The following THTPA variants were observed in gnomAD, a reference collection of about 807,000 sequenced individuals.
THTPA encodes thiamine triphosphatase.
THTPA carries 16 observed loss-of-function variants against 16.5 expected under a neutral mutation model. The observed-to-expected ratio is 0.97, with a 90% CI of 0.66 to 1.47. The LOEUF is 1.47. THTPA is among the 40% of genes most tolerant of loss of function. The pLI, the probability that THTPA is intolerant of heterozygous loss-of-function variation, is 0.00. For missense variants in THTPA, 281 were observed against 280.9 expected (o/e 1.00, Z 0.00); for synonymous variants, 110 against 115.5 (o/e 0.95, Z 0.30).
chr14:23,516,135 A>G, the THTPA span, among the ~76,000 whole-genome samples: 1 of 152,208 alleles, frequency 6.6e-6, no homozygotes, highest in Admixed American at 6.5e-5. Flanking sequence ...TTCAGAGGGC[A>G]TAGAATCATT....
chr14:23,534,535 G>T, the THTPA span: 20 of 1,536,128 alleles, frequency 1.3e-5, no homozygotes, highest in Non-Finnish European at 1.7e-5. The surrounding 1 kb of genome is among the most constrained non-coding windows in gnomAD (Gnocchi z 4.5). Flanking sequence ...TTGGGCAGGG[G>T]TTAGCTTCAC....
chr14:23,522,396 C>A, the THTPA span: 2 of 1,536,368 alleles, frequency 1.3e-6, no homozygotes, highest in South Asian at 2.4e-5. Context: ...ACCTCACCAG[C>A]TTCCCCCTCC....
At chr14:23,529,729 T>C in the THTPA span, 5 of 1,536,242 alleles carry the variant, frequency 3.3e-6, no homozygotes, top group Non-Finnish European at 4.4e-6. Flanking sequence ...GTTGGCACTG[T>C]CTCTGGAAGG....
chr14:23,534,124 G>C, the THTPA span: 3 of 1,482,458 alleles, frequency 2.0e-6, no homozygotes, highest in Non-Finnish European at 2.7e-6. The surrounding 1 kb of genome is among the most constrained non-coding windows in gnomAD (Gnocchi z 4.5). Flanking sequence ...GGCAGGGAGA[G>C]TGCCCCCCTC....
chr14:23,532,717 G>A, the THTPA span: 2 of 1,534,912 alleles, frequency 1.3e-6, no homozygotes, highest in African/African-American at 2.7e-5. Context: ...GGGATGCTGG[G>A]GAAGGGGTGC....
At chr14:23,530,181 G>GACC in the THTPA span, 3 of 1,535,620 alleles carry the variant, frequency 2.0e-6, no homozygotes, top group South Asian at 3.6e-5. Context: ...CTAAGGGGGT[G>GACC]ACAGGAGCCT....
At chr14:23,551,656 CCTCCTCCTCCTCCTCCTT>C (rs1277598579), upstream of THTPA, 1 of 154,256 alleles carries the variant, frequency 6.5e-6, no homozygotes, top group African/African-American at 2.4e-5. The surrounding 1 kb of genome is among the most constrained non-coding windows in gnomAD (Gnocchi z 5.3). Flanking sequence ...CTCCCTGCCT[CCTCCTCCTCCTCCTCCTT>C]CTCCTCCTCG....
chr14:23,530,020 G>T, the THTPA span: 6 of 1,227,232 alleles, frequency 4.9e-6, no homozygotes, highest in African/African-American at 6.1e-5. Flanking sequence ...AATCAGTTTT[G>T]CTCCTTGAGC....
At chr14:23,555,970 C>G (rs1325181746), upstream of THTPA, 1 of 152,356 alleles carries the variant, frequency 6.6e-6, no homozygotes, top group East Asian at 1.9e-4. Context: ...CAAAGTCTCC[C>G]TTTGGAACTA....
At chr14:23,522,078 T>C in the THTPA span, 1 of 1,536,072 alleles carries the variant, frequency 6.5e-7, no homozygotes, top group East Asian at 2.4e-5. Flanking sequence ...GCGGCGTTGG[T>C]GATGGAGATG....
At chr14:23,525,829 A>G in the THTPA span, 1 of 1,457,978 alleles carries the variant, frequency 6.9e-7, no homozygotes, top group Non-Finnish European at 9.0e-7. The surrounding 1 kb of genome is among the most constrained non-coding windows in gnomAD (Gnocchi z 5.9). Context: ...CCACCTTGAG[A>G]TCGTGGAGGT....
At chr14:23,529,923 G>T in the THTPA span, among the ~76,000 whole-genome samples, 7 of 152,158 alleles carry the variant, frequency 4.6e-5, no homozygotes, top group African/African-American at 1.7e-4. Flanking sequence ...GGGTCAGTAG[G>T]ATGGTCAGGT....
chr14:23,541,160 C>G, the THTPA span, among the ~76,000 whole-genome samples: 3 of 152,028 alleles, frequency 2.0e-5, no homozygotes, highest in African/African-American at 7.2e-5. Flanking sequence ...CCTGCCTTGG[C>G]CTCCCCAAGT....
chr14:23,549,232 G>A, the THTPA span, among the ~76,000 whole-genome samples: 118 of 151,822 alleles, frequency 7.8e-4, 3 homozygotes, highest in East Asian at 0.018. Context: ...CCCTGCCCCC[G>A]AGTCCGCATA....
In THTPA at chr14:23,559,923, A is replaced by G. The variant is rs1883268335; in HGVS notation, c.*1083A>G. 1.2e-6 allele frequency: 2 copies of G among 1,611,738 alleles called. No homozygotes were observed. The highest frequency in any genetic ancestry group is 1.3e-5 in the African/African-American group (1 of 74,916). The stretch of plus-strand genomic sequence containing the variant: ...TATCCCTGGGTCTTGTCTTGGGGGA[A>G]CTCCTGAAGCTCACCTTGTTAGGAT... On this transcript the variant is annotated 3_prime_UTR_variant, in exon 2 of 2. Coordinates refer to ENST00000288014, the MANE Select transcript of THTPA (RefSeq NM_024328.6).
chr14:23,523,101 A>G, the THTPA span: 9 of 1,406,464 alleles, frequency 6.4e-6, no homozygotes, highest in African/African-American at 1.4e-5. This position sits in a 1 kb window ranked among gnomAD's most constrained non-coding sequence, Gnocchi z 4.1. Context: ...AAGGAAGGCC[A>G]CAGGAGATTG....
the THTPA span, chr14:23,533,674 T>G: frequency 2.6e-6 from 4 of 1,537,948 alleles, no homozygotes; most frequent in African/African-American, 5.5e-5. The surrounding 1 kb of genome is among the most constrained non-coding windows in gnomAD (Gnocchi z 4.8). Flanking sequence ...GAGTGATGCC[T>G]CTGGTGGACT....
the THTPA span, chr14:23,535,327 G>A: frequency 6.9e-7 from 1 of 1,452,192 alleles, no homozygotes; most frequent in Non-Finnish European, 9.1e-7. This position sits in a 1 kb window ranked among gnomAD's most constrained non-coding sequence, Gnocchi z 4.5. Flanking sequence ...GGTGGCCATG[G>A]TAGACGGAGG....
Position 23,557,135 on chromosome 14 carries a change from T to G in THTPA, c.378T>G (p.Ser126Arg), listed in dbSNP as rs1328458235. The G allele has an allele frequency of 6.2e-7, 1 of 1,613,860 alleles. No individual in the cohort carries two copies. The highest frequency in any genetic ancestry group is 8.5e-7 in the Non-Finnish European group (1 of 1,179,986). Residue 126 changes from serine to arginine, a missense_variant, in exon 1 of 2, where the codon AGT (serine) becomes AGG (arginine). Coordinates refer to ENST00000288014, the MANE Select transcript of THTPA (RefSeq NM_024328.6). The stretch of plus-strand genomic sequence containing the variant: ...TAGCTAGTTTTGTGACTAAGCGGAG[T>G]GCCTGGAAGCTGGTGCTCTTGGGAG... The part of the protein sequence containing the change: ...QEVASFVTKR[S>R]AWKLVLLGAD...
Sources: allele counts gnomAD v4.1 joint callset (sites outside exome capture counted in the v4.1 genomes callset), GRCh38; gene constraint gnomAD v4.1.1; non-coding constraint Gnocchi (gnomAD v3.1); transcripts MANE v1.5; gene names NCBI Gene and HGNC (gene_info 2026-07-23, HGNC 2026-07-21).